DACH2: variants seen among roughly 807,000 people sequenced by gnomAD.
DACH2 encodes the protein dachshund homolog 2.
A neutral mutation model predicts 35.8 loss-of-function variants in DACH2; 17 were observed. That is an observed-to-expected ratio of 0.48 (90% CI 0.33 to 0.71). The LOEUF (loss-of-function observed/expected upper bound fraction) is 0.71, where lower values mean the gene tolerates loss of function less well. Ranked by LOEUF, DACH2 falls within the 30% of genes least tolerant of loss-of-function variation. The probability of loss-of-function intolerance (pLI) is 0.02; values close to 1 mark genes in which losing one functional copy is unlikely to be tolerated. For synonymous variants in DACH2, 195 were observed against 177.3 expected, an observed-to-expected ratio of 1.10 and a Z score of -0.79; for missense variants, 469 against 472.7, an observed-to-expected ratio of 0.99 and a Z score of 0.07.
intron 4 of DACH2, among the ~76,000 whole-genome samples, chrX:86,656,861 A>G (rs868340637): frequency 0.033 from 2,258 of 69,216 alleles, 49 homozygotes; most frequent in East Asian, 0.19. Context: ...GTGTGTGTAT[A>G]TATATATATA....
intron 4 of DACH2, among the ~76,000 whole-genome samples, chrX:86,669,922 A>T (rs1306540898): frequency 2.7e-5 from 3 of 110,770 alleles, no homozygotes; most frequent in Non-Finnish European, 5.7e-5. Flanking sequence ...AATGGTATGT[A>T]ACACTGTCAC....
At chrX:86,295,384 T>G (rs2034428143) in intron 1 of DACH2, among the ~76,000 whole-genome samples, 1 of 112,066 alleles carries the variant, frequency 8.9e-6, no homozygotes, top group Non-Finnish European at 1.9e-5. Flanking sequence ...GTCTTCTGCG[T>G]CGCTCACGCT....
At chrX:86,376,169 G>A (rs1217241818) in intron 1 of DACH2, among the ~76,000 whole-genome samples, 2 of 109,412 alleles carry the variant, frequency 1.8e-5, no homozygotes. Context: ...GTGTGTGTGT[G>A]TGTGTGTGTG....
Position 86,648,766 on chromosome X carries a change from TGTAAA to T in DACH2, c.641-2266_641-2262del, listed in dbSNP as rs750009385. 1.7e-4 allele frequency among the ~76,000 whole-genome samples: 19 copies of T among 110,883 alleles called. No homozygotes were observed. In the East Asian group the frequency reaches 2.5e-3, roughly 15 times the overall value. On this transcript the variant is annotated intron_variant, in intron 3 of 11. Coordinates refer to ENST00000373125, the MANE Select transcript of DACH2 (RefSeq NM_053281.3). ...GATTTTTGTATCTCAATTGTACCTC[TGTAAA>T]GTAGTTTTTTAAAAATAAAATAAAA...
intron 1 of DACH2, among the ~76,000 whole-genome samples, chrX:86,268,610 C>T (rs965107181): frequency 2.8e-5 from 3 of 108,187 alleles, no homozygotes; most frequent in Non-Finnish European, 5.7e-5. Flanking sequence ...TCTCAGCTCA[C>T]GGCAATCCCT....
intron 1 of DACH2, among the ~76,000 whole-genome samples, chrX:86,189,736 C>T (rs765195233): frequency 8.9e-6 from 1 of 111,853 alleles, no homozygotes; most frequent in South Asian, 3.7e-4. Flanking sequence ...AGAAAATACT[C>T]ATTTTAATGT....
chrX:86,552,288 A>C (rs1240380785), intron 3 of DACH2, among the ~76,000 whole-genome samples: 1 of 111,970 alleles, frequency 8.9e-6, no homozygotes, highest in Admixed American at 9.5e-5. Context: ...AGTTGAATCT[A>C]AAAAGTTGGA....
chrX:86,814,611 C>G (rs1602983153), intron 9 of DACH2, 77 bp from the exon 10 acceptor site: 1 of 967,312 alleles, frequency 1.0e-6, no homozygotes, highest in East Asian at 3.1e-5. Flanking sequence ...ATACTTATAT[C>G]TGTGGCTTAT....
At chrX:86,370,371 T>G (rs937165491) in intron 1 of DACH2, among the ~76,000 whole-genome samples, 1 of 111,867 alleles carries the variant, frequency 8.9e-6, no homozygotes, top group Non-Finnish European at 1.9e-5. Context: ...TTTTAAGGGC[T>G]GCAGAGTATA....
At chrX:86,572,098 T>A (rs1433256630) in intron 3 of DACH2, among the ~76,000 whole-genome samples, 2 of 109,822 alleles carry the variant, frequency 1.8e-5, no homozygotes, top group African/African-American at 6.6e-5. Context: ...TGTTGCGGGG[T>A]GCGGGGAAGG....
At chrX:86,655,315 T>C (rs963655527) in intron 4 of DACH2, among the ~76,000 whole-genome samples, 1 of 112,105 alleles carries the variant, frequency 8.9e-6, no homozygotes, top group African/African-American at 3.2e-5. Context: ...GTCAATTTGG[T>C]AAATATTCAG....
At chrX:86,714,742 AG>A in intron 6 of DACH2, 22 bp downstream of exon 6, 1 of 1,111,769 alleles carries the variant, frequency 9.0e-7, no homozygotes, top group Non-Finnish European at 1.2e-6. Context: ...GATTTAGAAA[AG>A]GACAAAGGTG....
intron 1 of DACH2, among the ~76,000 whole-genome samples, chrX:86,355,121 T>C (rs892926379): frequency 5.4e-4 from 60 of 111,681 alleles, no homozygotes; most frequent in African/African-American, 1.7e-3. Flanking sequence ...GTGTACACAA[T>C]GTTTAGCTCC....
chrX:86,303,384 G>T (rs1306073977), intron 1 of DACH2, among the ~76,000 whole-genome samples: 1 of 109,855 alleles, frequency 9.1e-6, no homozygotes, highest in Admixed American at 9.9e-5. Context: ...TGTTATATTG[G>T]CTATAGAGGG....
chrX:86,392,476 AAGTT>A (rs1248681251), intron 2 of DACH2, among the ~76,000 whole-genome samples: 1 of 111,886 alleles, frequency 8.9e-6, no homozygotes, highest in African/African-American at 3.2e-5. Context: ...GTAAGAGAAA[AAGTT>A]AGGCTGAAAT....
chrX:86,411,090 G>T (rs1015381913), intron 2 of DACH2, among the ~76,000 whole-genome samples: 1 of 90,296 alleles, frequency 1.1e-5, no homozygotes, highest in Non-Finnish European at 2.1e-5. Flanking sequence ...CGATCACAGG[G>T]TCCCACAATA....
chrX:86,151,975 T>C (rs2030382586), intron 1 of DACH2, among the ~76,000 whole-genome samples: 1 of 111,364 alleles, frequency 9.0e-6, no homozygotes, highest in South Asian at 3.8e-4. Flanking sequence ...ATGAGTGATG[T>C]ACCAATGGAG....
intron 3 of DACH2, among the ~76,000 whole-genome samples, chrX:86,583,599 G>GT (rs1017574736): frequency 1.2e-4 from 13 of 104,417 alleles, no homozygotes; most frequent in Non-Finnish European, 1.6e-4. Flanking sequence ...CATGTGCACT[G>GT]TTTTTTTTTA....
At chrX:86,762,629 A>G (rs186678787) in intron 7 of DACH2, among the ~76,000 whole-genome samples, 1 of 111,930 alleles carries the variant, frequency 8.9e-6, no homozygotes, top group African/African-American at 3.2e-5. Flanking sequence ...AATCTTTGTT[A>G]AGATGTCAAC....
Sources: allele counts gnomAD v4.1 joint callset (sites outside exome capture counted in the v4.1 genomes callset), GRCh38; gene constraint gnomAD v4.1.1; transcripts MANE v1.5; gene names NCBI Gene and HGNC (gene_info 2026-07-23, HGNC 2026-07-21).